SCAPER: variants seen among roughly 807,000 people sequenced by gnomAD.
SCAPER encodes the protein S-phase cyclin A associated protein in the ER.
SCAPER carries 98 observed loss-of-function variants against 182.2 expected under a neutral mutation model. That is an observed-to-expected ratio of 0.54 (90% CI 0.46 to 0.64). The LOEUF is 0.64. Among genes scored for constraint, SCAPER ranks in the 30% least tolerant of loss-of-function variants. The pLI is 0.00. For synonymous variants in SCAPER, 605 were observed against 564.6 expected, an observed-to-expected ratio of 1.07 and a Z score of -1.01; for missense variants, 1,432 against 1,690.0, an observed-to-expected ratio of 0.85 and a Z score of 2.68.
intron 17 of SCAPER, among the ~76,000 whole-genome samples, chr15:76,715,898 T>C (rs60963081): frequency 0.087 from 13,262 of 152,086 alleles, 702 homozygotes; most frequent in African/African-American, 0.13. Flanking sequence ...CACTCATGCC[T>C]TGGAAAGTGA....
At chr15:76,816,938 C>A (rs763301117) in intron 5 of SCAPER, among the ~76,000 whole-genome samples, 1 of 152,166 alleles carries the variant, frequency 6.6e-6, no homozygotes, top group African/African-American at 2.4e-5. Context: ...AGGCGTGAGC[C>A]ACCGTGCCTG....
intron 10 of SCAPER, among the ~76,000 whole-genome samples, chr15:76,771,405 T>C: frequency 6.6e-6 from 1 of 152,112 alleles, no homozygotes; most frequent in East Asian, 1.9e-4. Context: ...GCAGACACCA[T>C]TTCCCATCTA....
chr15:76,406,615 TACACACACACACACAC>T (rs36219509), intron 26 of SCAPER, among the ~76,000 whole-genome samples: 31 of 149,594 alleles, frequency 2.1e-4, no homozygotes, highest in African/African-American at 6.4e-4. Context: ...AGACCCTGTC[TACACACACACACACAC>T]ACACACACAC....
chr15:76,475,106 ATAAAAATAATTT>A (rs1224023486), intron 24 of SCAPER, among the ~76,000 whole-genome samples: 1 of 152,240 alleles, frequency 6.6e-6, no homozygotes, highest in Admixed American at 6.5e-5. Flanking sequence ...ATTTATGCTG[ATAAAAATAATTT>A]TAAAAATAAT....
chr15:76,667,308 T>C (rs1470833082), intron 20 of SCAPER, among the ~76,000 whole-genome samples: 2 of 152,178 alleles, frequency 1.3e-5, no homozygotes, highest in Non-Finnish European at 2.9e-5. Flanking sequence ...TTCTAACTCA[T>C]TGGCTGCTCC....
intron 2 of SCAPER, among the ~76,000 whole-genome samples, 163 bp from the exon 3 acceptor site, chr15:76,862,696 T>C (rs1408636774): frequency 6.6e-6 from 1 of 152,212 alleles, no homozygotes; most frequent in Non-Finnish European, 1.5e-5. Flanking sequence ...AAGTCTTTTT[T>C]AGATCTAAAA....
At position 76,403,359 on chromosome 15, in the gene SCAPER, A is replaced by C. The variant is rs557670141; in HGVS notation, c.3467+1165T>G. On this transcript the variant is annotated intron_variant, in intron 27 of 31. Transcript: ENST00000563290. The stretch of plus-strand genomic sequence containing the variant: ...TTGGTCTACATTTCTTGATGGGAAG[A>C]GACTAACTTGAAACACTGAACACAG... Among the ~76,000 whole-genome samples, 7 of 152,322 alleles carry C rather than the reference A, an allele frequency of 4.6e-5. No homozygotes were observed. The South Asian group carries it at 1.2e-3, about 27-fold the overall frequency.
chr15:76,727,277 AAACT>A (rs1159542597), intron 17 of SCAPER, among the ~76,000 whole-genome samples: 2 of 152,216 alleles, frequency 1.3e-5, no homozygotes, highest in South Asian at 2.1e-4. Flanking sequence ...GCTGATTCTA[AAACT>A]AACACAGACA....
intron 25 of SCAPER, among the ~76,000 whole-genome samples, chr15:76,443,316 A>C (rs1487296348): frequency 6.6e-6 from 1 of 152,268 alleles, no homozygotes; most frequent in East Asian, 1.9e-4. Flanking sequence ...AGTTGGAAGC[A>C]CAAAGAAAGA....
intron 2 of SCAPER, among the ~76,000 whole-genome samples, chr15:76,880,378 A>C (rs1422898788): frequency 2.6e-5 from 4 of 152,184 alleles, no homozygotes; most frequent in African/African-American, 9.7e-5. Flanking sequence ...CTTAATTCTT[A>C]ATTATTTTCT....
intron 29 of SCAPER, among the ~76,000 whole-genome samples, chr15:76,365,986 T>G (rs911980882): frequency 2.0e-5 from 3 of 152,020 alleles, no homozygotes; most frequent in Non-Finnish European, 2.9e-5. Context: ...AGGAAAAAAG[T>G]CATCACATAA....
intron 26 of SCAPER, among the ~76,000 whole-genome samples, chr15:76,432,030 C>T (rs1229813208): frequency 1.3e-5 from 2 of 152,136 alleles, no homozygotes; most frequent in Non-Finnish European, 2.9e-5. Context: ...CGTATTTCCC[C>T]CTGGAAGGCC....
intron 25 of SCAPER, among the ~76,000 whole-genome samples, chr15:76,434,829 G>A (rs2047091404): frequency 6.6e-6 from 1 of 152,098 alleles, no homozygotes; most frequent in African/African-American, 2.4e-5. Flanking sequence ...AGCTCTCTTT[G>A]TGTATAGTTT....
chr15:76,775,051 G>A lies in SCAPER; in HGVS notation c.839C>T (p.Ala280Val), dbSNP rs200719909. The A allele has an allele frequency of 3.5e-4, 558 of 1,613,716 alleles. No homozygotes were observed. Among genetic ancestry groups the A allele is most frequent in the Middle Eastern group, 2.8e-3 (17 of 6,058 alleles). The change falls in exon 9 of 32, where the codon GCA (alanine) becomes GTA (valine). Residue 280 changes from alanine (A) to valine (V), a missense_variant. Transcript: ENST00000563290. ...TGCCAATGAAACTTTTGGCATCACT[G>A]CTGTTGATCGAGAACGAATAGGCCT... ...RGRPIRSRST[A>V]VMPKVSLATE...
At chr15:76,440,258 G>C (rs1009947843) in intron 25 of SCAPER, among the ~76,000 whole-genome samples, 2 of 152,176 alleles carry the variant, frequency 1.3e-5, no homozygotes, top group African/African-American at 4.8e-5. Context: ...ATGTTTATAG[G>C]ACCAAGCCCT....
intron 17 of SCAPER, among the ~76,000 whole-genome samples, chr15:76,709,399 G>T (rs1385892707): frequency 6.6e-6 from 1 of 152,148 alleles, no homozygotes; most frequent in Non-Finnish European, 1.5e-5. Flanking sequence ...CTCCCAAAGT[G>T]CTGGGATTAC....
rs1354938338 is a variant in SCAPER at position 76,572,907 on chromosome 15, T to TCA, written c.2838+1250_2838+1251insTG. Among the ~76,000 whole-genome samples, 197 of 55,968 alleles carry TCA rather than the reference T, an allele frequency of 3.5e-3. 3 individuals are homozygous for TCA. The highest frequency in any genetic ancestry group is 0.018 in the Admixed American group (68 of 3,684). The allele number at this position is 55,968 out of a possible 152,430, so 36.7% of individuals were successfully genotyped here. A position where few individuals can be genotyped will look rare whatever the true frequency, so the allele number is the denominator to read the frequency against. On this transcript the variant is annotated intron_variant, in intron 23 of 31. Transcript: ENST00000563290. Reference sequence around the variant, plus strand: ...TGCGTGCACTCTCTCTCTCTCTCTCTCTCTCTCTCTCTCACACACACACAC... The same window carrying TCA: ...TGCGTGCACTCTCTCTCTCTCTCTCTCACTCTCTCTCTCTCACACACACACAC...
chr15:76,759,279 G>C (rs1045915617), intron 14 of SCAPER, among the ~76,000 whole-genome samples: 1 of 152,040 alleles, frequency 6.6e-6, no homozygotes, highest in African/African-American at 2.4e-5. Context: ...ATTAAAAAAA[G>C]AACTTTATTT....
intron 2 of SCAPER, among the ~76,000 whole-genome samples, chr15:76,873,710 C>T (rs533118182): frequency 6.6e-6 from 1 of 152,230 alleles, no homozygotes; most frequent in South Asian, 2.1e-4. Context: ...ATATATTTGA[C>T]ATATTCAGAA....
Sources: gnomAD v4.1 joint callset for allele counts (sites outside exome capture counted in the v4.1 genomes callset) on GRCh38, gnomAD v4.1.1 for gene constraint, MANE v1.5 for transcripts, NCBI Gene and HGNC (gene_info 2026-07-23, HGNC 2026-07-21) for gene names.